The following FOXP1 variants were observed in gnomAD, a reference collection of about 807,000 sequenced individuals.
The protein encoded by FOXP1 is forkhead box protein P1.
A neutral mutation model predicts 98.2 loss-of-function variants in FOXP1; 15 were observed. That is an observed-to-expected ratio of 0.15 (90% CI 0.10 to 0.24). The LOEUF (loss-of-function observed/expected upper bound fraction) is 0.24, where lower values mean the gene tolerates loss of function less well. Ranked by LOEUF, FOXP1 falls within the 10% of genes least tolerant of loss-of-function variation. FOXP1 has a pLI of 1.00. For missense variants in FOXP1, 633 were observed against 848.5 expected, an observed-to-expected ratio of 0.75 and a Z score of 3.15; for synonymous variants, 371 against 314.5, an observed-to-expected ratio of 1.18 and a Z score of -1.90.
At chr3:71,017,648 G>T (rs547122847) in intron 11 of FOXP1, among the ~76,000 whole-genome samples, 9 of 152,026 alleles carry the variant, frequency 5.9e-5, no homozygotes, top group African/African-American at 2.2e-4. Context: ...TTACTGATGG[G>T]TAATAGTCTA....
At chr3:70,981,652 C>T (rs531374354) in intron 14 of FOXP1, among the ~76,000 whole-genome samples, 2 of 152,160 alleles carry the variant, frequency 1.3e-5, no homozygotes, top group African/African-American at 2.4e-5. Flanking sequence ...AATTAAAAGA[C>T]AGTTCCTAGA....
At chr3:71,080,347 G>A (rs1459179513) in intron 7 of FOXP1, among the ~76,000 whole-genome samples, 3 of 152,112 alleles carry the variant, frequency 2.0e-5, no homozygotes, top group Admixed American at 6.5e-5. Flanking sequence ...GAAGTTTTTT[G>A]AGATGAAAAT....
chr3:71,432,191 A>C (rs1328395117), intron 3 of FOXP1, among the ~76,000 whole-genome samples: 4 of 152,254 alleles, frequency 2.6e-5, no homozygotes, highest in Non-Finnish European at 5.9e-5. Context: ...AGATATGCAG[A>C]GATCAACCAC....
At chr3:71,169,278 T>G (rs891777641) in intron 6 of FOXP1, among the ~76,000 whole-genome samples, 10 of 152,170 alleles carry the variant, frequency 6.6e-5, no homozygotes, top group African/African-American at 2.4e-4. Flanking sequence ...CCCTAGCGTC[T>G]TCTAAACAAC....
At chr3:71,157,735 A>ATAAAGTTGGG (rs1320528293) in intron 6 of FOXP1, among the ~76,000 whole-genome samples, 12 of 152,144 alleles carry the variant, frequency 7.9e-5, no homozygotes, top group Admixed American at 2.0e-4. Context: ...GGCTAGTGAT[A>ATAAAGTTGGG]CAAAGTTGGG....
chr3:71,439,390 C>T (rs191678905), intron 3 of FOXP1, among the ~76,000 whole-genome samples: 32 of 152,260 alleles, frequency 2.1e-4, no homozygotes, highest in Admixed American at 5.2e-4. Flanking sequence ...GTCTGAAGGG[C>T]AGTGCATTCT....
chr3:71,412,727 T>G (rs879820346), intron 3 of FOXP1, among the ~76,000 whole-genome samples: 2 of 152,170 alleles, frequency 1.3e-5, no homozygotes, highest in African/African-American at 4.8e-5. Context: ...CTTCACATCT[T>G]GTGAACTCCA....
chr3:71,553,463 A>G (rs1485597226), intron 2 of FOXP1, among the ~76,000 whole-genome samples: 1 of 152,182 alleles, frequency 6.6e-6, no homozygotes, highest in Non-Finnish European at 1.5e-5. Context: ...TTCCAAATAC[A>G]GTTACAGAAT....
intron 7 of FOXP1, among the ~76,000 whole-genome samples, chr3:71,082,636 A>AG (rs943488897): frequency 1.3e-5 from 2 of 151,742 alleles, no homozygotes; most frequent in Non-Finnish European, 2.9e-5. Context: ...AAATAAAAAA[A>AG]AAAGAAAACA....
intron 18 of FOXP1, 139 bp downstream of exon 18, chr3:70,972,416 A>C: frequency 7.8e-7 from 1 of 1,278,300 alleles, no homozygotes; most frequent in Non-Finnish European, 1.1e-6. Context: ...GGAGGGATGA[A>C]ATGCTTTTTT....
At chr3:71,456,640 G>A (rs147513184) in intron 3 of FOXP1, among the ~76,000 whole-genome samples, 14 of 152,238 alleles carry the variant, frequency 9.2e-5, no homozygotes, top group Non-Finnish European at 1.9e-4. Context: ...GTCTGGAAGA[G>A]GAGGATAAGA....
At chr3:71,431,532 G>A (rs956734644) in intron 3 of FOXP1, among the ~76,000 whole-genome samples, 1 of 152,164 alleles carries the variant, frequency 6.6e-6, no homozygotes, top group Non-Finnish European at 1.5e-5. Context: ...GGGTCCAAGA[G>A]ATCTGGTAAT....
intron 3 of FOXP1, among the ~76,000 whole-genome samples, chr3:71,410,188 T>C (rs2082631931): frequency 6.6e-6 from 1 of 152,212 alleles, no homozygotes; most frequent in African/African-American, 2.4e-5. Context: ...GCACAGTGCC[T>C]GGTATAAGCT....
intron 2 of FOXP1, among the ~76,000 whole-genome samples, chr3:71,569,720 T>C (rs2047186049): frequency 6.6e-6 from 1 of 152,002 alleles, no homozygotes; most frequent in African/African-American, 2.4e-5. Flanking sequence ...TGTATGTAAA[T>C]ACAGTTATGG....
chr3:71,352,184 G>A (rs771655878), intron 4 of FOXP1, among the ~76,000 whole-genome samples: 1 of 152,124 alleles, frequency 6.6e-6, no homozygotes, highest in Admixed American at 6.5e-5. Context: ...ACCAGGGTAC[G>A]GCTGGGTGTG....
At chr3:70,995,876 T>C (rs781240314) in intron 13 of FOXP1, among the ~76,000 whole-genome samples, 33 of 152,228 alleles carry the variant, frequency 2.2e-4, no homozygotes, top group Admixed American at 1.9e-3. Flanking sequence ...ATTCACCATA[T>C]ATTTTTACAT....
At chr3:71,558,516 G>C (rs1241283856) in intron 2 of FOXP1, among the ~76,000 whole-genome samples, 1 of 148,554 alleles carries the variant, frequency 6.7e-6, no homozygotes, top group East Asian at 2.0e-4. Flanking sequence ...TTTTTTTTGA[G>C]ATGGAGTCTC....
rs571850038 is a variant in FOXP1 at position 71,376,974 on chromosome 3, T to C, written c.-167-17730A>G. On this transcript the variant is annotated intron_variant, in intron 3 of 20. Coordinates refer to ENST00000649528, the MANE Select transcript of FOXP1 (RefSeq NM_001349338.3). ...ACTCAAAAGTGAGCAAAATGCAAAATTGAGTCTTCATCTTCTTTTATTCTC... is the reference window on the plus strand; with the variant it reads ...ACTCAAAAGTGAGCAAAATGCAAAACTGAGTCTTCATCTTCTTTTATTCTC... 1.4e-4 allele frequency among the ~76,000 whole-genome samples: 21 copies of C among 152,264 alleles called. No individual in the cohort carries two copies. The South Asian group carries it at 2.7e-3, about 20-fold the overall frequency.
Position 71,198,348 on chromosome 3 carries a change from T to C in FOXP1, c.34A>G (p.Asn12Asp), listed in dbSNP as rs2108382372. 1 of 1,590,218 alleles carries C rather than the reference T, an allele frequency of 6.3e-7. No individual in the cohort carries two copies. The highest frequency in any genetic ancestry group is 8.6e-7 in the Non-Finnish European group (1 of 1,166,402). The stretch of plus-strand genomic sequence containing the variant: ...GACCCATTCTGGATGGCTGAACCGT[T>C]ACTTTTTGTCTCAGTCCCAGATTCT... ...MQESGTETKSNGSAIQNGSGG... is the reference protein window; with the variant it reads ...MQESGTETKSDGSAIQNGSGG... Residue 12 changes from asparagine to aspartate, a missense_variant, in exon 6 of 21, where the codon AAC (asparagine) becomes GAC (aspartate). Around this residue, in one of 6 missense-constraint regions of FOXP1, gnomAD observed 103 missense variants for 85.5 expected, o/e 1.20. Coordinates refer to ENST00000649528, the MANE Select transcript of FOXP1 (RefSeq NM_001349338.3).
Sources: allele counts gnomAD v4.1 joint callset (sites outside exome capture counted in the v4.1 genomes callset), GRCh38; gene constraint gnomAD v4.1.1; regional missense constraint gnomAD v4.1.1; transcripts MANE v1.5; gene names NCBI Gene and HGNC (gene_info 2026-07-23, HGNC 2026-07-21).